Variants in LRRN3 observed in about 807,000 individuals in gnomAD.
LRRN3 encodes the protein leucine-rich repeat neuronal protein 3.
LRRN3 carries 15 observed loss-of-function variants against 40.1 expected under a neutral mutation model. That is an observed-to-expected ratio of 0.37 (90% CI 0.25 to 0.58). The LOEUF (loss-of-function observed/expected upper bound fraction) is 0.58, where lower values mean the gene tolerates loss of function less well. Ranked by LOEUF, LRRN3 falls within the 20% of genes least tolerant of loss-of-function variation. The pLI is 0.72. For synonymous variants in LRRN3, 308 were observed against 297.2 expected (o/e 1.04, Z -0.37); for missense variants, 746 against 837.7 (o/e 0.89, Z 1.35).
intron 2 of LRRN3, among the ~76,000 whole-genome samples, chr7:111,105,324 T>C (rs1798424892): frequency 1.3e-5 from 2 of 151,924 alleles, no homozygotes; most frequent in African/African-American, 4.8e-5. Flanking sequence ...TAACATCATG[T>C]ATAAAACTCA....
Position 111,122,692 on chromosome 7 carries a change from T to A in LRRN3, c.-81T>A. 1 of 1,073,378 alleles carries A rather than the reference T, an allele frequency of 9.3e-7. No homozygotes were observed. The highest frequency in any genetic ancestry group is 2.3e-5 in the Admixed American group (1 of 42,960). 66.5% of individuals were successfully genotyped at this position (1,073,378 alleles called of 1,614,324 possible). ...TTGACAAATGCAAGCATCTTCCTTA[T>A]CAATCAGCTCCTATTGAACTTACTA... On this transcript the variant is annotated 5_prime_UTR_variant, in exon 3 of 3. The change creates a premature stop within an existing upstream ORF in the 5' untranslated region. Transcript: ENST00000308478.
intron 2 of LRRN3, among the ~76,000 whole-genome samples, chr7:111,107,636 C>T (rs1383994323): frequency 6.6e-6 from 1 of 152,030 alleles, no homozygotes; most frequent in Non-Finnish European, 1.5e-5. Flanking sequence ...AATTGGGGCA[C>T]TAGTAAAGTA....
intron 1 of LRRN3, among the ~76,000 whole-genome samples, chr7:111,092,261 G>C (rs1796951693): frequency 6.6e-6 from 1 of 152,202 alleles, no homozygotes; most frequent in Non-Finnish European, 1.5e-5. Context: ...CCATGAACCA[G>C]AAGAGTTCTA....
At chr7:111,114,686 G>A (rs538029552) in intron 2 of LRRN3, among the ~76,000 whole-genome samples, 1 of 147,964 alleles carries the variant, frequency 6.8e-6, no homozygotes, top group South Asian at 2.1e-4. Flanking sequence ...CAGTGAGTGA[G>A]CCGAGATCGC....
At chr7:111,094,614 T>C (rs1360420870) in intron 1 of LRRN3, among the ~76,000 whole-genome samples, 1 of 152,166 alleles carries the variant, frequency 6.6e-6, no homozygotes, top group East Asian at 1.9e-4. Flanking sequence ...TAAAGCTCTC[T>C]GATATTGGCT....
rs146797927 is a variant in LRRN3 at position 111,123,462 on chromosome 7, C to T, written c.690C>T (p.Asn230=). 4.0e-5 allele frequency: 65 copies of T among 1,613,638 alleles called. No individual in the cohort carries two copies. Among genetic ancestry groups the T allele is most frequent in the South Asian group, 2.0e-4 (18 of 91,018 alleles). The part of the protein sequence containing the change: ...AGINLTEIPD[N]ALVGLENLES... Reference sequence around the variant, plus strand: ...TAAACCTCACAGAAATACCAGATAACGCCTTGGTTGGACTGGAAAACTTAG... The same window carrying T: ...TAAACCTCACAGAAATACCAGATAATGCCTTGGTTGGACTGGAAAACTTAG... Residue 230 remains asparagine (N), a synonymous_variant, in exon 3 of 3, where the codon AAC becomes AAT. Transcript: ENST00000308478. The surrounding 1 kb of genome is among the most constrained non-coding windows in gnomAD (Gnocchi z 6.4).
intron 2 of LRRN3, among the ~76,000 whole-genome samples, chr7:111,116,702 A>T (rs1437659928): frequency 1.3e-5 from 2 of 152,174 alleles, no homozygotes; most frequent in African/African-American, 2.4e-5. Context: ...TTTTTATTTT[A>T]TTCCTTCCAC....
chr7:111,101,336 T>C (rs1174039096), intron 2 of LRRN3, among the ~76,000 whole-genome samples: 1 of 151,482 alleles, frequency 6.6e-6, no homozygotes, highest in Non-Finnish European at 1.5e-5. Context: ...ATAATGTCTA[T>C]AAGATACAAC....
chr7:111,120,079 C>T (rs911380520), intron 2 of LRRN3, among the ~76,000 whole-genome samples: 2 of 152,190 alleles, frequency 1.3e-5, no homozygotes, highest in African/African-American at 4.8e-5. Context: ...AAATGGCAGA[C>T]GGTGAGGTAA....
At chr7:111,107,893 C>A (rs1322634349) in intron 2 of LRRN3, among the ~76,000 whole-genome samples, 1 of 152,084 alleles carries the variant, frequency 6.6e-6, no homozygotes. Context: ...GTAAATTTTA[C>A]TAGTTTCATG....
chr7:111,100,700 A>C (rs1269854087), intron 2 of LRRN3, among the ~76,000 whole-genome samples: 2 of 151,324 alleles, frequency 1.3e-5, no homozygotes, highest in Non-Finnish European at 3.0e-5. Context: ...AACTGGATTA[A>C]GGTTTTTTTG....
chr7:111,104,661 T>G (rs1021997231), intron 2 of LRRN3, among the ~76,000 whole-genome samples: 4 of 151,772 alleles, frequency 2.6e-5, no homozygotes, highest in Non-Finnish European at 5.9e-5. Context: ...GAAAAATTTT[T>G]AAATGTGGAG....
chr7:111,095,865 T>C (rs1797345986), intron 1 of LRRN3, among the ~76,000 whole-genome samples: 1 of 151,976 alleles, frequency 6.6e-6, no homozygotes, highest in Admixed American at 6.6e-5. Flanking sequence ...AATAAATATA[T>C]TATCAGGACA....
Position 111,123,200 on chromosome 7 carries a change from A to C in LRRN3, c.428A>C (p.Gln143Pro). Residue 143 changes from glutamine (Q) to proline (P), a missense_variant, in exon 3 of 3, where the codon CAA becomes CCA. Physicochemically the swap from Gln to Pro is moderately conservative, Grantham distance 76. Coordinates refer to ENST00000308478, the MANE Select transcript of LRRN3 (RefSeq NM_001099658.2). This position sits in a 1 kb window ranked among gnomAD's most constrained non-coding sequence, Gnocchi z 6.4. ...TGTCTGTCCGAACTGAGCAACTTAC[A>C]AGAACTCTATATTAATCACAACTTG... Reference protein sequence around the residue: ...EKCLSELSNLQELYINHNLLS... With the variant: ...EKCLSELSNLPELYINHNLLS... 6.2e-7 allele frequency: 1 copy of C among 1,613,992 alleles called. No individual in the cohort carries two copies. The highest frequency in any genetic ancestry group is 1.1e-5 in the South Asian group (1 of 91,084).
intron 2 of LRRN3, among the ~76,000 whole-genome samples, chr7:111,105,905 T>G (rs1472349435): frequency 6.6e-6 from 1 of 151,940 alleles, no homozygotes; most frequent in Non-Finnish European, 1.5e-5. Context: ...CACTGATGTA[T>G]GTATCAAATC....
intron 1 of LRRN3, among the ~76,000 whole-genome samples, chr7:111,092,056 G>A (rs746111691): frequency 6.6e-6 from 1 of 152,192 alleles, no homozygotes; most frequent in Non-Finnish European, 1.5e-5. Flanking sequence ...GCTGTTGTAT[G>A]TTAAGAGCTA....
chr7:111,101,124 A>C (rs1267746260), intron 2 of LRRN3, among the ~76,000 whole-genome samples: 1 of 151,440 alleles, frequency 6.6e-6, no homozygotes, highest in Non-Finnish European at 1.5e-5. Flanking sequence ...TTCTTTTCAC[A>C]TCATCATATT....
chr7:111,108,297 T>G (rs1798778671), intron 2 of LRRN3, among the ~76,000 whole-genome samples: 1 of 152,196 alleles, frequency 6.6e-6, no homozygotes, highest in African/African-American at 2.4e-5. Context: ...GCTCTTTTTG[T>G]TGTTGATACA....
chr7:111,093,638 T>C (rs1361566256), intron 1 of LRRN3, among the ~76,000 whole-genome samples: 4 of 152,144 alleles, frequency 2.6e-5, no homozygotes, highest in Non-Finnish European at 5.9e-5. Flanking sequence ...CATACATATT[T>C]TGTGGATTAC....
Sources: gnomAD v4.1 joint callset for allele counts (sites outside exome capture counted in the v4.1 genomes callset) on GRCh38, gnomAD v4.1.1 for gene constraint, Gnocchi (gnomAD v3.1) non-coding constraint, MANE v1.5 for transcripts, NCBI Gene and HGNC (gene_info 2026-07-23, HGNC 2026-07-21) for gene names.